COL5A2: variants seen among roughly 807,000 people sequenced by gnomAD.
COL5A2 encodes collagen type V alpha 2 chain, also known as collagen alpha-2(V) chain.
In COL5A2, 23 loss-of-function variants were observed where a neutral mutation model predicts 208.2. The observed-to-expected ratio is 0.11, with a 90% CI of 0.08 to 0.16. The LOEUF (loss-of-function observed/expected upper bound fraction) is 0.16, where lower values mean the gene tolerates loss of function less well. Ranked by LOEUF, COL5A2 falls within the 10% of genes least tolerant of loss-of-function variation. The pLI, the probability that COL5A2 is intolerant of heterozygous loss-of-function variation, is 1.00. For synonymous variants in COL5A2, 625 were observed against 628.5 expected (o/e 0.99, Z 0.08); for missense variants, 1,590 against 1,956.4 (o/e 0.81, Z 3.53).
the COL5A2 span, among the ~76,000 whole-genome samples, chr2:189,358,024 C>T: frequency 1.3e-5 from 2 of 152,092 alleles, no homozygotes; most frequent in African/African-American, 2.4e-5. Context: ...GACACCCCAC[C>T]CTGCTTCAGC....
At chr2:189,356,538 C>T in the COL5A2 span, among the ~76,000 whole-genome samples, 1 of 152,168 alleles carries the variant, frequency 6.6e-6, no homozygotes, top group South Asian at 2.1e-4. Flanking sequence ...GCTATCGATA[C>T]TTGTGCATGC....
chr2:189,250,681 C>A, the COL5A2 span, among the ~76,000 whole-genome samples: 1 of 152,082 alleles, frequency 6.6e-6, no homozygotes, highest in African/African-American at 2.4e-5. Context: ...TTAATTCCAT[C>A]CCCTATCATA....
At chr2:189,191,175 A>C (rs1374156029) in intron 1 of COL5A2, among the ~76,000 whole-genome samples, 2 of 149,318 alleles carry the variant, frequency 1.3e-5, no homozygotes, top group African/African-American at 4.9e-5. Flanking sequence ...AACAACAAAA[A>C]ACAACAACAA....
At chr2:189,371,496 G>A in the COL5A2 span, among the ~76,000 whole-genome samples, 2 of 152,210 alleles carry the variant, frequency 1.3e-5, no homozygotes, top group Admixed American at 1.3e-4. Flanking sequence ...AATATAGACA[G>A]TGGAGGCTAG....
chr2:189,233,799 A>T, the COL5A2 span, among the ~76,000 whole-genome samples: 1 of 151,656 alleles, frequency 6.6e-6, no homozygotes, highest in Non-Finnish European at 1.5e-5. Context: ...CAACCAATAC[A>T]GTGTGCTGTG....
At chr2:189,167,867 C>A (rs1688497072) in intron 1 of COL5A2, among the ~76,000 whole-genome samples, 1 of 151,992 alleles carries the variant, frequency 6.6e-6, no homozygotes, top group African/African-American at 2.4e-5. Context: ...AAGGCTTGAA[C>A]ACCAGCTCCC....
At chr2:189,219,239 T>C (rs1219781667) in intron 1 of COL5A2, among the ~76,000 whole-genome samples, 2 of 152,188 alleles carry the variant, frequency 1.3e-5, no homozygotes, top group African/African-American at 4.8e-5. Flanking sequence ...TTTCTTACAA[T>C]TATTGATTAT....
At chr2:189,107,921 T>G (rs1436087657) in intron 2 of COL5A2, among the ~76,000 whole-genome samples, 1 of 151,660 alleles carries the variant, frequency 6.6e-6, no homozygotes. Context: ...GCCGCTCAGG[T>G]TTTCTTCTAG....
At chr2:189,228,071 C>A (rs1689440555), upstream of COL5A2, among the ~76,000 whole-genome samples, 1 of 151,516 alleles carries the variant, frequency 6.6e-6, no homozygotes, top group Non-Finnish European at 1.5e-5. Context: ...AACCAATGGG[C>A]AAAATAAGAA....
At chr2:189,325,460 T>C in the COL5A2 span, among the ~76,000 whole-genome samples, 1 of 151,674 alleles carries the variant, frequency 6.6e-6, no homozygotes, top group Non-Finnish European at 1.5e-5. Context: ...AGCCATAAAC[T>C]ATTCTATACC....
intron 1 of COL5A2, among the ~76,000 whole-genome samples, chr2:189,191,166 ACAAC>A (rs1365913854): frequency 3.8e-5 from 4 of 104,818 alleles, no homozygotes; most frequent in South Asian, 3.4e-4. Context: ...AAACAAACAA[ACAAC>A]AAAAAACAAC....
intron 2 of COL5A2, among the ~76,000 whole-genome samples, chr2:189,106,524 T>C (rs1159354642): frequency 6.6e-6 from 1 of 151,364 alleles, no homozygotes; most frequent in Admixed American, 6.6e-5. Flanking sequence ...TTTGTAAGCA[T>C]ACAATTGTAT....
At chr2:189,085,526 A>T (rs1035212518) in intron 10 of COL5A2, among the ~76,000 whole-genome samples, 193 bp downstream of exon 10, 3 of 152,232 alleles carry the variant, frequency 2.0e-5, no homozygotes, top group African/African-American at 7.2e-5. Context: ...AAATTTAAAT[A>T]GTCTTTGAAT....
chr2:189,066,577 C>G, intron 22 of COL5A2, 80 bp from the exon 23 acceptor site: 3 of 1,467,890 alleles, frequency 2.0e-6, no homozygotes, highest in Non-Finnish European at 2.9e-6. Flanking sequence ...TTAACGAAGT[C>G]AGTCACAAAT....
chr2:189,398,653 GC>G, the COL5A2 span, among the ~76,000 whole-genome samples: 1 of 151,918 alleles, frequency 6.6e-6, no homozygotes, highest in Admixed American at 6.6e-5. Flanking sequence ...CTTTCACTGT[GC>G]TTATATTTAA....
At chr2:189,127,928 C>A (rs1016040639) in intron 1 of COL5A2, among the ~76,000 whole-genome samples, 2 of 152,004 alleles carry the variant, frequency 1.3e-5, no homozygotes, top group Non-Finnish European at 2.9e-5. Context: ...CCACAAAACG[C>A]CCTGAGGTCA....
At chr2:189,239,599 T>C in the COL5A2 span, among the ~76,000 whole-genome samples, 8 of 119,506 alleles carry the variant, frequency 6.7e-5, no homozygotes, top group African/African-American at 2.6e-4. Flanking sequence ...AAGGGGAACA[T>C]CACACTCTGG....
chr2:189,360,524 T>C, the COL5A2 span, among the ~76,000 whole-genome samples: 5,540 of 152,290 alleles, frequency 0.036, 117 homozygotes, highest in Admixed American at 0.05. Flanking sequence ...ATTTAATTTT[T>C]ATGAATTTAT....
intron 50 of COL5A2, 84 bp downstream of exon 50, chr2:189,041,502 A>T: frequency 9.2e-7 from 1 of 1,092,640 alleles, no homozygotes; most frequent in Non-Finnish European, 1.4e-6. Flanking sequence ...TCTCTTGTCA[A>T]TCGGGCTGCA....
Sources: allele counts gnomAD v4.1 joint callset (sites outside exome capture counted in the v4.1 genomes callset), GRCh38; gene constraint gnomAD v4.1.1; transcripts MANE v1.5; gene names NCBI Gene and HGNC (gene_info 2026-07-23, HGNC 2026-07-21).